Variants in HACL1 observed in about 807,000 individuals in gnomAD.
HACL1 encodes the protein 1600020H07Rik.
A neutral mutation model predicts 74.2 loss-of-function variants in HACL1; 64 were observed. That is an observed-to-expected ratio of 0.86 (90% CI 0.70 to 1.06). The LOEUF (loss-of-function observed/expected upper bound fraction) is 1.06. Among genes scored for constraint, HACL1 ranks in the 50% least tolerant of loss-of-function variants. The pLI is 0.00. For synonymous variants in HACL1, 230 were observed against 238.8 expected, an observed-to-expected ratio of 0.96 and a Z score of 0.34; for missense variants, 728 against 719.7, an observed-to-expected ratio of 1.01 and a Z score of -0.13.
intron 12 of HACL1, among the ~76,000 whole-genome samples, chr3:15,570,634 G>GCA (rs111413291): frequency 0.25 from 36,711 of 147,924 alleles, 5,086 homozygotes; most frequent in South Asian, 0.35. Flanking sequence ...ACACACACAT[G>GCA]CACACACACA....
intron 2 of HACL1, among the ~76,000 whole-genome samples, chr3:15,599,502 C>T (rs565194822): frequency 6.7e-6 from 1 of 149,134 alleles, no homozygotes; most frequent in South Asian, 2.1e-4. Flanking sequence ...TCCCCCATTG[C>T]CTACTGTTAA....
chr3:15,601,440 C>T lies in HACL1; in HGVS notation c.24G>A (p.Glu8=), dbSNP rs757912260. The T allele has an allele frequency of 1.2e-6, 2 of 1,613,786 alleles. No individual in the cohort carries two copies. The highest frequency in any genetic ancestry group is 2.2e-5 in the South Asian group (2 of 91,090). Residue 8 remains glutamate (E), a synonymous_variant, in exon 1 of 17, where the codon GAG becomes GAA. Coordinates refer to ENST00000321169, the MANE Select transcript of HACL1 (RefSeq NM_012260.4). ...CACCAGACACCTGCTCCTCGCTGCG[C>T]TCTGCGAAGTTACTGTCCGGCATCT... is the stretch of plus-strand genomic sequence containing the variant. The part of the protein sequence containing the change: MPDSNFA[E]RSEEQVSGAK...
chr3:15,570,490 G>A (rs1004189101), intron 12 of HACL1, among the ~76,000 whole-genome samples: 1 of 151,244 alleles, frequency 6.6e-6, no homozygotes, highest in Non-Finnish European at 1.5e-5. Flanking sequence ...TTGCTTATGC[G>A]TGATTCCACC....
Position 15,586,517 on chromosome 3 carries a change from T to C in HACL1, c.459+8A>G, listed in dbSNP as rs1340986600. ...TTGACTTGGAGAGCTTGTTATTAAA[T>C]ACTGTACCTTTTCAATAACAAAAGG... is the stretch of plus-strand genomic sequence containing the variant. On this transcript the variant is annotated splice_region_variant and intron_variant, in intron 6 of 16. Transcript: ENST00000321169. The C allele has an allele frequency of 4.0e-6, 6 of 1,486,770 alleles. No individual in the cohort carries two copies. Among genetic ancestry groups the C allele is most frequent in the Non-Finnish European group, 5.6e-6 (6 of 1,066,746 alleles). The allele number at this position is 1,486,770 out of a possible 1,614,324, so 92.1% of individuals were successfully genotyped here. A position where few individuals can be genotyped will look rare whatever the true frequency, so the allele number is the denominator to read the frequency against.
At chr3:15,592,578 A>ACG (rs2063962932) in intron 3 of HACL1, among the ~76,000 whole-genome samples, 1 of 136,928 alleles carries the variant, frequency 7.3e-6, no homozygotes, top group Non-Finnish European at 1.5e-5. Context: ...ATGTACGCAC[A>ACG]TGTGTGCGTG....
intron 1 of HACL1, 92 bp downstream of exon 1, chr3:15,601,291 C>A: frequency 1.3e-6 from 2 of 1,578,176 alleles, no homozygotes; most frequent in Non-Finnish European, 8.7e-7. Flanking sequence ...ACCCCCCGAC[C>A]CCCATCGCCC....
At chr3:15,564,873 G>T (rs6774663) in intron 14 of HACL1, among the ~76,000 whole-genome samples, 2 of 152,066 alleles carry the variant, frequency 1.3e-5, no homozygotes, top group African/African-American at 4.8e-5. Context: ...AAGATTAAGA[G>T]TTGTTAGTCC....
intron 2 of HACL1, among the ~76,000 whole-genome samples, chr3:15,598,021 G>GTTTT (rs942525006): frequency 7.1e-5 from 10 of 140,354 alleles, no homozygotes; most frequent in African/African-American, 1.8e-4. Flanking sequence ...GTTTTGTTTT[G>GTTTT]TTTTTTTTTT....
Position 15,596,366 on chromosome 3 carries a change from A to T in HACL1, c.227+18T>A. 4 of 1,483,944 alleles carry T rather than the reference A, an allele frequency of 2.7e-6. No individual in the cohort carries two copies. Among genetic ancestry groups the T allele is most frequent in the Non-Finnish European group, 3.8e-6 (4 of 1,061,630 alleles). The allele number at this position is 1,483,944 out of a possible 1,614,324, so 91.9% of individuals were successfully genotyped here. ...CCAAAATATTAAAGTAATTGAAGTG[A>T]AACAAATTTTAGTTTACCTGCTTGT... is the stretch of plus-strand genomic sequence containing the variant. On this transcript the variant is annotated intron_variant, in intron 3 of 16. Coordinates refer to ENST00000321169, the MANE Select transcript of HACL1 (RefSeq NM_012260.4).
intron 14 of HACL1, among the ~76,000 whole-genome samples, chr3:15,565,563 T>C (rs2063419751): frequency 6.6e-6 from 1 of 152,206 alleles, no homozygotes; most frequent in Non-Finnish European, 1.5e-5. Context: ...TGTTATTGAC[T>C]GAAAAGAATG....
chr3:15,593,880 C>G (rs1344075768), intron 3 of HACL1, among the ~76,000 whole-genome samples: 4 of 150,672 alleles, frequency 2.7e-5, no homozygotes, highest in South Asian at 4.2e-4. Flanking sequence ...TCACTGCAAC[C>G]TCCGCCTCCC....
Position 15,564,561 on chromosome 3 carries a change from C to T in HACL1, c.1507G>A (p.Ala503Thr). The change falls in exon 15 of 17, where the codon GCT (alanine) becomes ACT (threonine). Residue 503 changes from alanine to threonine, a missense_variant. Transcript: ENST00000321169. ...TWKEMLKFQD[A>T]TAVVPPMCLL... ...GTCTTGGTTACTTACACTGCAGTAG[C>T]ATCTTGAAATTTTAACATTTCTTTC... 7.1e-7 allele frequency: 1 copy of T among 1,402,780 alleles called. No homozygotes were observed. The allele number at this position is 1,402,780 out of a possible 1,614,324, so 86.9% of individuals were successfully genotyped here. A position where few individuals can be genotyped will look rare whatever the true frequency, so the allele number is the denominator to read the frequency against.
chr3:15,584,627 C>T (rs932506112), intron 7 of HACL1, among the ~76,000 whole-genome samples: 1 of 152,014 alleles, frequency 6.6e-6, no homozygotes, highest in African/African-American at 2.4e-5. Context: ...ACAGAGTATA[C>T]AGTAAGACCC....
chr3:15,576,461 C>G (rs2063628536), intron 9 of HACL1, among the ~76,000 whole-genome samples: 1 of 152,032 alleles, frequency 6.6e-6, no homozygotes, highest in African/African-American at 2.4e-5. Context: ...ATACTTTTGT[C>G]AATATAACTT....
intron 9 of HACL1, among the ~76,000 whole-genome samples, chr3:15,578,984 A>C (rs1036887098): frequency 6.6e-6 from 1 of 152,240 alleles, no homozygotes; most frequent in Non-Finnish European, 1.5e-5. Context: ...CTCACCCCTG[A>C]GCTGGACATG....
In HACL1 at chr3:15,589,896, G is replaced by A. The variant is rs922048799; in HGVS notation, c.309-284C>T. Among the ~76,000 whole-genome samples, 4 of 151,998 alleles carry A rather than the reference G, an allele frequency of 2.6e-5. No individual in the cohort carries two copies. In the South Asian group the frequency reaches 6.2e-4, roughly 24 times the overall value. On this transcript the variant is annotated intron_variant, in intron 4 of 16. Coordinates refer to ENST00000321169, the MANE Select transcript of HACL1 (RefSeq NM_012260.4). ...CAAAAAATACAAAAATTAGCCAGGCGTGCTGGTGGGCGCCTGTAATCCCAG... is the reference window on the plus strand; with the variant it reads ...CAAAAAATACAAAAATTAGCCAGGCATGCTGGTGGGCGCCTGTAATCCCAG...
At chr3:15,588,804 A>ATTTTTTTTTTTTTTTTTTTTTTTTTTTTT (rs1553644278) in intron 5 of HACL1, among the ~76,000 whole-genome samples, 7 of 149,546 alleles carry the variant, frequency 4.7e-5, no homozygotes, top group South Asian at 2.2e-4. Flanking sequence ...GTTTCTTTTA[A>ATTTTTTTTTTTTTTTTTTTTTTTTTTTTT]TTTTGACATG....
chr3:15,579,862 C>T (rs769078491), intron 9 of HACL1, 48 bp downstream of exon 9: 8 of 1,358,852 alleles, frequency 5.9e-6, no homozygotes, highest in Non-Finnish European at 8.1e-6. Flanking sequence ...TTTAAATTAG[C>T]CTAAAATCTA....
At chr3:15,595,363 C>T (rs1005012751) in intron 3 of HACL1, among the ~76,000 whole-genome samples, 2 of 151,980 alleles carry the variant, frequency 1.3e-5, no homozygotes, top group Admixed American at 6.6e-5. Context: ...AAAAACTATT[C>T]TGGTGAGGTC....
Sources: gnomAD v4.1 joint callset for allele counts (sites outside exome capture counted in the v4.1 genomes callset) on GRCh38, gnomAD v4.1.1 for gene constraint, MANE v1.5 for transcripts, NCBI Gene and HGNC (gene_info 2026-07-23, HGNC 2026-07-21) for gene names.